Variants in MSR1 observed in about 807,000 individuals in gnomAD.
MSR1 encodes the protein macrophage scavenger receptor 1, also known as macrophage scavenger receptor types I and II.
In MSR1, 53 loss-of-function variants were observed where a neutral mutation model predicts 47.2. That is an observed-to-expected ratio of 1.12 (90% confidence interval 0.90 to 1.41). The LOEUF (loss-of-function observed/expected upper bound fraction) is 1.41. Among genes scored for constraint, MSR1 ranks in the 40% most tolerant of loss-of-function variants. MSR1 has a pLI of 0.00. For synonymous variants in MSR1, 239 were observed against 185.6 expected, an observed-to-expected ratio of 1.29 and a Z score of -2.34; for missense variants, 786 against 546.9, an observed-to-expected ratio of 1.44 and a Z score of -4.36.
rs191449806 is a variant in MSR1, at chr8:16,188,836, T to C, written c.-5+3762A>G. On this transcript the variant is annotated intron_variant, in intron 1 of 9. Coordinates refer to ENST00000262101, the MANE Select transcript of MSR1 (RefSeq NM_138715.3). ...TTCATCCATGTCCCTGCAAAGGACA[T>C]CAACTCATCTTTTTTATGGCTGCAT... Among the ~76,000 whole-genome samples, 585 of 151,956 alleles carry C rather than the reference T, an allele frequency of 3.8e-3. 5 individuals carry two copies. The highest frequency in any genetic ancestry group is 0.037 in the Middle Eastern group (11 of 294).
intron 8 of MSR1, among the ~76,000 whole-genome samples, chr8:16,131,745 T>C (rs1800265266): frequency 6.6e-6 from 1 of 152,082 alleles, no homozygotes. Flanking sequence ...GGGAGTCCTT[T>C]TCCTATTGCT....
chr8:16,161,033 ATTTTTT>A (rs201538682), intron 5 of MSR1, among the ~76,000 whole-genome samples: 1 of 130,868 alleles, frequency 7.6e-6, no homozygotes. Context: ...CTTAAATAGC[ATTTTTT>A]TTTTTTTTTT....
At chr8:16,161,478 T>G (rs1237739002) in intron 5 of MSR1, among the ~76,000 whole-genome samples, 1 of 152,004 alleles carries the variant, frequency 6.6e-6, no homozygotes, top group Non-Finnish European at 1.5e-5. Context: ...TCATCTGTTT[T>G]ATTGTGATAA....
chr8:16,128,240 A>G (rs976816613), intron 8 of MSR1, among the ~76,000 whole-genome samples: 1 of 152,104 alleles, frequency 6.6e-6, no homozygotes, highest in African/African-American at 2.4e-5. Context: ...ATACCTTCCT[A>G]TTATGTACTG....
intron 5 of MSR1, among the ~76,000 whole-genome samples, chr8:16,156,356 C>T (rs560297943): frequency 6.6e-6 from 1 of 151,892 alleles, no homozygotes; most frequent in Non-Finnish European, 1.5e-5. Context: ...GAGGGGGAAC[C>T]ACATAAATAA....
At position 16,139,272 on chromosome 8, in the gene MSR1, G is replaced by T. The variant is rs144047671; in HGVS notation, c.1033+4286C>A. 6.8e-5 allele frequency: 67 copies of T among 984,214 alleles called. 1 individual carries two copies. Among genetic ancestry groups the T allele is most frequent in the Non-Finnish European group, 7.7e-5 (64 of 829,060 alleles). The allele number at this position is 984,214 out of a possible 1,614,324, so 61.0% of individuals were successfully genotyped here. ...TTAAAAATGTCTGCATTATACCAGC[G>T]GGGAAAAGCTATTCCAGTTCAGAGA... On this transcript the variant is annotated intron_variant, in intron 8 of 9. Transcript: ENST00000262101.
Position 16,110,152 on chromosome 8 carries a change from T to C in MSR1, c.1289A>G (p.Lys430Arg), listed in dbSNP as rs557659974. ...GGCTCTTGTCCCCCATTGCCGAATT[T>C]TACATTCTTCAATAGATGATTCTCT... is the stretch of plus-strand genomic sequence containing the variant. ...FGRESSIEEC[K>R]IRQWGTRACS... The change falls in exon 10 of 10, where the codon AAA (lysine) becomes AGA (arginine). Residue 430 changes from lysine (K) to arginine (R), a missense_variant. Physicochemically the swap from Lys to Arg is conservative, Grantham distance 26 (BLOSUM62 2). Coordinates refer to ENST00000262101, the MANE Select transcript of MSR1 (RefSeq NM_138715.3). 1.4e-5 allele frequency: 22 copies of C among 1,613,702 alleles called. No individual in the cohort carries two copies. The Admixed American group carries it at 2.3e-4, about 17-fold the overall frequency.
chr8:16,141,805 C>T (rs935631486), intron 8 of MSR1, among the ~76,000 whole-genome samples: 37 of 151,934 alleles, frequency 2.4e-4, no homozygotes, highest in Admixed American at 2.0e-3. Context: ...CAGTGGGGTG[C>T]TGTTTGCAGT....
intron 4 of MSR1, among the ~76,000 whole-genome samples, chr8:16,165,206 C>A (rs572546835): frequency 6.6e-6 from 1 of 152,150 alleles, no homozygotes; most frequent in South Asian, 2.1e-4. Flanking sequence ...CAACCATTGC[C>A]GTACTACTCT....
At chr8:16,183,596 T>C (rs1008600895) in intron 1 of MSR1, among the ~76,000 whole-genome samples, 4 of 139,768 alleles carry the variant, frequency 2.9e-5, no homozygotes, top group South Asian at 2.2e-4. Flanking sequence ...TTACATAATA[T>C]ATTATATAAT....
chr8:16,185,806 G>T, intron 1 of MSR1, among the ~76,000 whole-genome samples: 1 of 149,084 alleles, frequency 6.7e-6, no homozygotes, highest in East Asian at 2.0e-4. Flanking sequence ...ACAAAGAATC[G>T]TAGGGAAAAA....
At position 16,164,115 on chromosome 8, in the gene MSR1, A is replaced by T; in HGVS notation, c.767T>A (p.Leu256Gln). 1 of 1,611,402 alleles carries T rather than the reference A, an allele frequency of 6.2e-7. No individual in the cohort carries two copies. Among genetic ancestry groups the T allele is most frequent in the Non-Finnish European group, 8.5e-7 (1 of 1,178,278 alleles). The change falls in exon 5 of 10, where the codon CTG becomes CAG. Residue 256 changes from leucine to glutamine, a missense_variant. By Grantham distance (113) the Leu-to-Gln change is moderately radical (BLOSUM62 -2). Transcript: ENST00000262101. The stretch of plus-strand genomic sequence containing the variant: ...GGTCTGAGAATGTTCCCAATCTTTC[A>T]GTCTGAGATCATTAGTGATGTTATT... ...VLNNITNDLR[L>Q]KDWEHSQTLR... is the part of the protein sequence containing the mutation.
At chr8:16,115,234 T>A (rs1379523912) in intron 9 of MSR1, among the ~76,000 whole-genome samples, 1 of 152,184 alleles carries the variant, frequency 6.6e-6, no homozygotes, top group South Asian at 2.1e-4. Context: ...TACAATATGA[T>A]ATGAACCTGA....
intron 1 of MSR1, chr8:16,186,084 C>T: frequency 7.9e-7 from 1 of 1,268,034 alleles, no homozygotes. Flanking sequence ...GAAATAAAAC[C>T]TTGCAAGATT....
chr8:16,186,773 G>A lies in MSR1; in HGVS notation c.-5+5825C>T, dbSNP rs575367413. On this transcript the variant is annotated intron_variant, in intron 1 of 9. Coordinates refer to ENST00000262101, the MANE Select transcript of MSR1 (RefSeq NM_138715.3). Reference sequence around the variant, plus strand: ...CAGCCTCCTGAGTAGCTGGGTCTACGGGTGCATGCCACCATGCCCATCTAG... The same window carrying A: ...CAGCCTCCTGAGTAGCTGGGTCTACAGGTGCATGCCACCATGCCCATCTAG... 5.9e-5 allele frequency among the ~76,000 whole-genome samples: 8 copies of A among 135,122 alleles called. No homozygotes were observed. In the East Asian group the frequency reaches 1.1e-3, roughly 18 times the overall value. 88.6% of individuals were successfully genotyped at this position (135,122 alleles called of 152,430 possible).
chr8:16,129,973 A>G (rs1248731272), intron 8 of MSR1, among the ~76,000 whole-genome samples: 1 of 152,132 alleles, frequency 6.6e-6, no homozygotes, highest in Non-Finnish European at 1.5e-5. Flanking sequence ...CAGGCTATGG[A>G]GGAAAGGGAA....
chr8:16,171,711 C>G (rs2117192093), intron 3 of MSR1, among the ~76,000 whole-genome samples: 1 of 152,182 alleles, frequency 6.6e-6, no homozygotes, highest in East Asian at 1.9e-4. Context: ...ATCAAAATTA[C>G]TTCAAAATTT....
Position 16,175,214 on chromosome 8 carries a change from G to A in MSR1, c.190C>T (p.Leu64Phe), listed in dbSNP as rs377448730. Residue 64 changes from leucine (L) to phenylalanine (F), a missense_variant, in exon 3 of 10, where the codon CTC becomes TTC. Leu to Phe is a conservative substitution (Grantham distance 22). Transcript: ENST00000262101. Reference sequence around the variant, plus strand: ...GCCACTATTCCAATGAGAGGGATGAGAACTGCAAACACGAGGAGGTAAAGG... The same window carrying A: ...GCCACTATTCCAATGAGAGGGATGAAAACTGCAAACACGAGGAGGTAAAGG... Reference protein sequence around the residue: ...IALYLLVFAVLIPLIGIVAAQ... With the variant: ...IALYLLVFAVFIPLIGIVAAQ... 1 of 1,613,958 alleles carries A rather than the reference G, an allele frequency of 6.2e-7. No individual in the cohort carries two copies. The highest frequency in any genetic ancestry group is 8.5e-7 in the Non-Finnish European group (1 of 1,179,946).
chr8:16,113,769 A>C (rs943178378), intron 9 of MSR1, among the ~76,000 whole-genome samples: 2 of 152,178 alleles, frequency 1.3e-5, no homozygotes, highest in Admixed American at 6.5e-5. Flanking sequence ...ATTCTGAAGA[A>C]GCAAGCTCTT....
Sources: allele counts gnomAD v4.1 joint callset (sites outside exome capture counted in the v4.1 genomes callset), GRCh38; gene constraint gnomAD v4.1.1; transcripts MANE v1.5; gene names NCBI Gene and HGNC (gene_info 2026-07-23, HGNC 2026-07-21).